CA10: variants seen among roughly 807,000 people sequenced by gnomAD.
The protein encoded by CA10 is carbonic anhydrase-related protein 10.
CA10 carries 14 observed loss-of-function variants against 44.2 expected under a neutral mutation model. That is an observed-to-expected ratio of 0.32 (90% CI 0.21 to 0.50). The LOEUF is 0.50. Among genes scored for constraint, CA10 ranks in the 20% least tolerant of loss-of-function variants. The pLI is 0.99. For synonymous variants in CA10, 159 were observed against 141.6 expected, an observed-to-expected ratio of 1.12 and a Z score of -0.87; for missense variants, 350 against 409.7, an observed-to-expected ratio of 0.85 and a Z score of 1.26.
chr17:52,000,237 C>T (rs1378318623), intron 2 of CA10, among the ~76,000 whole-genome samples: 5 of 152,016 alleles, frequency 3.3e-5, no homozygotes, highest in Admixed American at 6.6e-5. Flanking sequence ...ACTGATGTGA[C>T]GAAGCCTGTG....
In CA10 at chr17:52,108,026, T is replaced by TA. The variant is rs1425014537; in HGVS notation, c.62-35634dup. On this transcript the variant is annotated intron_variant, in intron 1 of 8. Coordinates refer to ENST00000451037, the MANE Select transcript of CA10 (RefSeq NM_020178.5). ...AAGTTTCAAGAAAGGAATTTGTTTT[T>TA]AAAAATAAAACGTCCTTGCATTTAA... Among the ~76,000 whole-genome samples the TA allele has an allele frequency of 6.6e-5, 10 of 151,902 alleles. 1 individual carries two copies. Among genetic ancestry groups the TA allele is most frequent in the Non-Finnish European group, 1.5e-5 (1 of 67,962 alleles).
rs1396414275 is a variant in CA10, at chr17:51,849,203, A to G, written c.279+81787T>C. Reference sequence around the variant, plus strand: ...TATATGTATATATATATATACATATATGTATATATATATATACATATATGT... The same window carrying G: ...TATATGTATATATATATATACATATGTGTATATATATATATACATATATGT... On this transcript the variant is annotated intron_variant, in intron 3 of 8. Transcript: ENST00000451037. Among the ~76,000 whole-genome samples, 33 of 43,246 alleles carry G rather than the reference A, an allele frequency of 7.6e-4. 1 individual carries two copies. The highest frequency in any genetic ancestry group is 1.8e-3 in the Admixed American group (7 of 3,876). The allele number at this position is 43,246 out of a possible 152,430, so 28.4% of individuals were successfully genotyped here. A position where few individuals can be genotyped will look rare whatever the true frequency, so the allele number is the denominator to read the frequency against.
At chr17:51,771,854 CAG>C (rs1467549951) in intron 3 of CA10, among the ~76,000 whole-genome samples, 1 of 152,192 alleles carries the variant, frequency 6.6e-6, no homozygotes, top group African/African-American at 2.4e-5. Flanking sequence ...TACCATTTTA[CAG>C]AGAGTGTTCA....
chr17:51,775,461 G>T (rs1020961681), intron 3 of CA10, among the ~76,000 whole-genome samples: 2 of 152,120 alleles, frequency 1.3e-5, no homozygotes, highest in Admixed American at 6.5e-5. Flanking sequence ...GTACAAGGGG[G>T]GTGGGTAGGG....
At chr17:51,929,804 C>T (rs1410653521) in intron 3 of CA10, among the ~76,000 whole-genome samples, 3 of 152,104 alleles carry the variant, frequency 2.0e-5, no homozygotes, top group African/African-American at 4.8e-5. Context: ...AGGATAGCAT[C>T]GTTTTATATG....
chr17:51,988,932 T>C (rs113429389), intron 2 of CA10, among the ~76,000 whole-genome samples: 1,679 of 152,186 alleles, frequency 0.011, 31 homozygotes, highest in African/African-American at 0.039. Context: ...TTTGGATGTC[T>C]TTGAAATCCT....
intron 2 of CA10, among the ~76,000 whole-genome samples, chr17:52,069,763 G>A (rs1462605257): frequency 6.6e-6 from 1 of 152,122 alleles, no homozygotes; most frequent in Non-Finnish European, 1.5e-5. Flanking sequence ...TTGTTATAGA[G>A]CTCATATATT....
intron 3 of CA10, among the ~76,000 whole-genome samples, chr17:51,870,848 G>T (rs2143860667): frequency 6.6e-6 from 1 of 152,078 alleles, no homozygotes; most frequent in African/African-American, 2.4e-5. Flanking sequence ...GGGGGTGGTG[G>T]GATTATTCTT....
intron 3 of CA10, among the ~76,000 whole-genome samples, chr17:51,869,190 T>C (rs1031767114): frequency 6.6e-6 from 1 of 152,098 alleles, no homozygotes; most frequent in Non-Finnish European, 1.5e-5. Flanking sequence ...ATTAATAAGA[T>C]TAAGAAGTTC....
At chr17:51,919,279 T>C (rs776755787) in intron 3 of CA10, among the ~76,000 whole-genome samples, 12 of 152,206 alleles carry the variant, frequency 7.9e-5, no homozygotes, top group Admixed American at 3.3e-4. Context: ...TGTGGGTTTA[T>C]TCAAATGGTC....
rs545740748 is a variant in CA10 at position 51,946,869 on chromosome 17, G to T, written c.137-15737C>A. On this transcript the variant is annotated intron_variant, in intron 2 of 8. Coordinates refer to ENST00000451037, the MANE Select transcript of CA10 (RefSeq NM_020178.5). The stretch of plus-strand genomic sequence containing the variant: ...GTTGTTTGATGAATGAATGAGGAGT[G>T]AATTTTTAAGGTATCCTGGGCATAA... Among the ~76,000 whole-genome samples the T allele has an allele frequency of 3.9e-5, 6 of 152,244 alleles. No homozygotes were observed. In the East Asian group the frequency reaches 1.2e-3, roughly 29 times the overall value.
intron 3 of CA10, among the ~76,000 whole-genome samples, chr17:51,920,614 A>G (rs1254010381): frequency 1.3e-5 from 2 of 152,170 alleles, no homozygotes. Context: ...ATGACTCTGC[A>G]TTGATTTTCT....
chr17:52,103,304 G>T (rs1988583990), intron 1 of CA10, among the ~76,000 whole-genome samples: 1 of 152,216 alleles, frequency 6.6e-6, no homozygotes, highest in South Asian at 2.1e-4. Flanking sequence ...GTGACCACAA[G>T]CTCTGGCACT....
chr17:52,032,557 A>T (rs1319457109), intron 2 of CA10, among the ~76,000 whole-genome samples: 1 of 152,176 alleles, frequency 6.6e-6, no homozygotes, highest in African/African-American at 2.4e-5. Flanking sequence ...CTCATAAGAA[A>T]ATGGGCTATG....
intron 1 of CA10, among the ~76,000 whole-genome samples, chr17:52,072,716 C>CACACAA (rs776721118): frequency 1.6e-5 from 2 of 123,400 alleles, no homozygotes; most frequent in Non-Finnish European, 3.5e-5. Context: ...CACACACACA[C>CACACAA]AACACACACA....
intron 3 of CA10, among the ~76,000 whole-genome samples, chr17:51,910,321 G>A (rs553885928): frequency 9.4e-6 from 1 of 106,332 alleles, no homozygotes; most frequent in South Asian, 2.5e-4. Context: ...AATGGTAACT[G>A]ATAACAACGA....
intron 1 of CA10, among the ~76,000 whole-genome samples, chr17:52,108,063 C>T (rs531297446): frequency 3.3e-5 from 5 of 151,548 alleles, no homozygotes; most frequent in Non-Finnish European, 7.4e-5. Flanking sequence ...TAGCCACGCA[C>T]TTATTCTATT....
chr17:52,096,033 C>T (rs151308966), intron 1 of CA10, among the ~76,000 whole-genome samples: 2 of 152,234 alleles, frequency 1.3e-5, no homozygotes, highest in East Asian at 1.9e-4. Flanking sequence ...GCCCCCTCAC[C>T]TCTAAAAACC....
At chr17:52,066,487 G>C (rs573256522) in intron 2 of CA10, among the ~76,000 whole-genome samples, 13 of 152,284 alleles carry the variant, frequency 8.5e-5, no homozygotes, top group African/African-American at 3.1e-4. Flanking sequence ...CCACCATACT[G>C]TTCTTGTAGT....
Sources: gnomAD v4.1 joint callset for allele counts (sites outside exome capture counted in the v4.1 genomes callset) on GRCh38, gnomAD v4.1.1 for gene constraint, MANE v1.5 for transcripts, NCBI Gene and HGNC (gene_info 2026-07-23, HGNC 2026-07-21) for gene names.